The following EFCAB5 variants were observed in gnomAD, a reference collection of about 807,000 sequenced individuals.
EFCAB5 encodes the protein EF-hand calcium-binding domain-containing protein 5.
A neutral mutation model predicts 167.9 loss-of-function variants in EFCAB5; 131 were observed. The observed-to-expected ratio is 0.78, with a 90% CI of 0.68 to 0.90. The LOEUF (loss-of-function observed/expected upper bound fraction) is 0.90, where lower values mean the gene tolerates loss of function less well. EFCAB5 is among the 40% of genes least tolerant of loss of function. The pLI is 0.00. For synonymous variants in EFCAB5, 574 were observed against 602.8 expected, an observed-to-expected ratio of 0.95 and a Z score of 0.70; for missense variants, 1,663 against 1,745.2, an observed-to-expected ratio of 0.95 and a Z score of 0.84.
At chr17:29,996,417 C>A in intron 6 of EFCAB5, 57 bp downstream of exon 6, 1 of 1,390,960 alleles carries the variant, frequency 7.2e-7, no homozygotes, top group South Asian at 1.3e-5. Flanking sequence ...GGGTGGGGGA[C>A]ACTGAATTCA....
intron 8 of EFCAB5, among the ~76,000 whole-genome samples, chr17:30,046,105 C>T (rs2069921134): frequency 1.3e-5 from 2 of 152,060 alleles, no homozygotes; most frequent in South Asian, 4.1e-4. Flanking sequence ...ATAATCACCA[C>T]CTTTGGAGGA....
At position 30,094,225 on chromosome 17, in the gene EFCAB5, G is replaced by C. The variant is rs182104880; in HGVS notation, c.4321+1289G>C. Among the ~76,000 whole-genome samples the C allele has an allele frequency of 3.4e-4, 52 of 152,198 alleles. No individual in the cohort carries two copies. In the East Asian group the frequency reaches 6.9e-3, roughly 20 times the overall value. The stretch of plus-strand genomic sequence containing the variant: ...CAACTCTCACCCCCACTTCATCCTA[G>C]TTCAGGAAAAGAGTATTTCCTAATG... On this transcript the variant is annotated intron_variant, in intron 22 of 22. Transcript: ENST00000394835.
At chr17:29,977,990 C>T (rs1171934061) in intron 4 of EFCAB5, among the ~76,000 whole-genome samples, 1 of 151,980 alleles carries the variant, frequency 6.6e-6, no homozygotes, top group Admixed American at 6.6e-5. Context: ...TTAAAAAAAG[C>T]TTCAAAATAT....
chr17:30,084,227 A>T (rs2071043005), intron 18 of EFCAB5, among the ~76,000 whole-genome samples: 2 of 152,076 alleles, frequency 1.3e-5, no homozygotes, highest in Non-Finnish European at 2.9e-5. Flanking sequence ...AGAATCATGG[A>T]GCTCTCTTGT....
intron 14 of EFCAB5, among the ~76,000 whole-genome samples, chr17:30,064,685 A>T (rs1450914464): frequency 6.6e-6 from 1 of 152,194 alleles, no homozygotes; most frequent in Non-Finnish European, 1.5e-5. Context: ...TCCCAAATAG[A>T]TACAGCCTAA....
chr17:30,050,530 A>G (rs1205886177), intron 8 of EFCAB5, among the ~76,000 whole-genome samples: 1 of 152,132 alleles, frequency 6.6e-6, no homozygotes, highest in Non-Finnish European at 1.5e-5. Flanking sequence ...CTGCAAATCA[A>G]CATATCCTCT....
intron 3 of EFCAB5, among the ~76,000 whole-genome samples, chr17:29,959,827 G>A (rs1347921742): frequency 6.6e-6 from 1 of 152,116 alleles, no homozygotes; most frequent in Non-Finnish European, 1.5e-5. Context: ...TCCCTTGGCT[G>A]CCCTAGCTGG....
rs1011844236 is a variant in EFCAB5 at position 30,053,554 on chromosome 17, G to T, written c.1600G>T (p.Ala534Ser). ...EEQQQGKKPT[A>S]EQELYIESVI... ...ACAACAACAAGGCAAAAAGCCAACT[G>T]CAGAGCAAGAACTGTACATAGAATC... Residue 534 changes from alanine (A) to serine (S), a missense_variant, in exon 10 of 23, where the codon GCA becomes TCA. Coordinates refer to ENST00000394835, the MANE Select transcript of EFCAB5 (RefSeq NM_198529.4). 1 of 1,613,808 alleles carries T rather than the reference G, an allele frequency of 6.2e-7. No individual in the cohort carries two copies. Among genetic ancestry groups the T allele is most frequent in the Admixed American group, 1.7e-5 (1 of 59,976 alleles).
At chr17:29,985,976 G>T (rs949666991) in intron 4 of EFCAB5, among the ~76,000 whole-genome samples, 1 of 152,172 alleles carries the variant, frequency 6.6e-6, no homozygotes, top group Non-Finnish European at 1.5e-5. Context: ...GTCAGGATCT[G>T]CATCTACAGA....
chr17:29,988,563 G>A (rs1166609775), intron 4 of EFCAB5, among the ~76,000 whole-genome samples: 1 of 152,182 alleles, frequency 6.6e-6, no homozygotes, highest in Non-Finnish European at 1.5e-5. Flanking sequence ...ATTTTAGGGA[G>A]AATCCAATTA....
chr17:30,032,296 C>T (rs2151734513), intron 7 of EFCAB5, among the ~76,000 whole-genome samples: 1 of 152,272 alleles, frequency 6.6e-6, no homozygotes, highest in South Asian at 2.1e-4. Context: ...TCATCTGTTT[C>T]TCTCCATAAC....
intron 4 of EFCAB5, among the ~76,000 whole-genome samples, chr17:29,977,024 T>A (rs886799050): frequency 7.2e-5 from 11 of 152,162 alleles, no homozygotes; most frequent in African/African-American, 2.4e-4. Flanking sequence ...AAAGTGGACT[T>A]TAATTCTTAC....
At chr17:29,985,609 A>C (rs2068264788) in intron 4 of EFCAB5, among the ~76,000 whole-genome samples, 1 of 152,180 alleles carries the variant, frequency 6.6e-6, no homozygotes, top group Non-Finnish European at 1.5e-5. Flanking sequence ...ATGGGAAACA[A>C]AGGGATGGGC....
chr17:30,107,916 C>T lies in EFCAB5; in HGVS notation c.4404C>T (p.Leu1468=). The change falls in exon 23 of 23, where the codon CTC becomes CTT. Residue 1468 remains leucine, a synonymous_variant. Coordinates refer to ENST00000394835, the MANE Select transcript of EFCAB5 (RefSeq NM_198529.4). The part of the protein sequence containing the change: ...LYHWIHICSA[L]MKITKQLNSG... ...ACTGGATACACATCTGTTCAGCTCTCATGAAGATAACCAAACAACTAAATA... is the reference window on the plus strand; with the variant it reads ...ACTGGATACACATCTGTTCAGCTCTTATGAAGATAACCAAACAACTAAATA... 3 of 1,611,778 alleles carry T rather than the reference C, an allele frequency of 1.9e-6. No individual in the cohort carries two copies. The highest frequency in any genetic ancestry group is 2.5e-6 in the Non-Finnish European group (3 of 1,179,356).
chr17:30,081,374 T>C (rs1382509163), intron 17 of EFCAB5, among the ~76,000 whole-genome samples: 1 of 152,244 alleles, frequency 6.6e-6, no homozygotes, highest in Non-Finnish European at 1.5e-5. Flanking sequence ...CAAATGGTAC[T>C]AATTCTGATA....
chr17:30,096,652 CATAT>C lies in EFCAB5; in HGVS notation c.4321+3739_4321+3742del, dbSNP rs200424980. ...TTAAAACTGTCTTTTATCCTGAAAGCATATATATATATATATATATATATATTTT... is the reference window on the plus strand; with the variant it reads ...TTAAAACTGTCTTTTATCCTGAAAGCATATATATATATATATATATATTTT... On this transcript the variant is annotated intron_variant, in intron 22 of 22. Coordinates refer to ENST00000394835, the MANE Select transcript of EFCAB5 (RefSeq NM_198529.4). Among the ~76,000 whole-genome samples, 392 of 93,526 alleles carry C rather than the reference CATAT, an allele frequency of 4.2e-3. 8 individuals are homozygous for C. The highest frequency in any genetic ancestry group is 0.015 in the Middle Eastern group (2 of 134). The allele number at this position is 93,526 out of a possible 152,430, so 61.4% of individuals were successfully genotyped here.
Position 30,082,920 on chromosome 17 carries a change from T to C in EFCAB5, c.3456T>C (p.Tyr1152=). The C allele has an allele frequency of 6.2e-7, 1 of 1,613,966 alleles. No individual in the cohort carries two copies. Among genetic ancestry groups the C allele is most frequent in the Non-Finnish European group, 8.5e-7 (1 of 1,179,876 alleles). The stretch of plus-strand genomic sequence containing the variant: ...TTGCTAATGTCTTTAGCACTGCCTA[T>C]CACTACGTCCACAGCCGGGAGCACA... ...QGVANVFSTA[Y]HYVHSREHIL... The change falls in exon 18 of 23, where the codon TAT becomes TAC. Residue 1152 remains tyrosine (Y), a synonymous_variant. Coordinates refer to ENST00000394835, the MANE Select transcript of EFCAB5 (RefSeq NM_198529.4).
chr17:30,018,534 C>T (rs935589370), intron 7 of EFCAB5, among the ~76,000 whole-genome samples: 10 of 152,086 alleles, frequency 6.6e-5, no homozygotes, highest in Admixed American at 3.9e-4. Context: ...GGACTGCCTA[C>T]ATTAGGGAAA....
At position 30,053,739 on chromosome 17, in the gene EFCAB5, A is replaced by G; in HGVS notation, c.1785A>G (p.Glu595=). The change falls in exon 10 of 23, where the codon GAA becomes GAG. Residue 595 remains glutamate (E), a synonymous_variant. Transcript: ENST00000394835. The part of the protein sequence containing the change: ...GQGPRRVSVS[E]QGSSRESVAE... ...GACCACGCAGAGTGTCAGTTTCAGA[A>G]CAAGGATCAAGCAGAGAGTCAGTTG... The G allele has an allele frequency of 6.2e-7, 1 of 1,614,028 alleles. No individual in the cohort carries two copies. The highest frequency in any genetic ancestry group is 1.3e-5 in the African/African-American group (1 of 75,054).
Sources: allele counts gnomAD v4.1 joint callset (sites outside exome capture counted in the v4.1 genomes callset), GRCh38; gene constraint gnomAD v4.1.1; transcripts MANE v1.5; gene names NCBI Gene and HGNC (gene_info 2026-07-23, HGNC 2026-07-21).